Variants in FSTL4 observed in about 807,000 individuals in gnomAD.
FSTL4 encodes follistatin like 4, also known as follistatin-related protein 4.
A neutral mutation model predicts 78.2 loss-of-function variants in FSTL4; 28 were observed. The observed-to-expected ratio is 0.36, with a 90% CI of 0.27 to 0.49. The LOEUF (loss-of-function observed/expected upper bound fraction) is 0.49, where lower values mean the gene tolerates loss of function less well. FSTL4 is among the 20% of genes least tolerant of loss of function. The probability of loss-of-function intolerance (pLI) is 0.98; values close to 1 mark genes in which losing one functional copy is unlikely to be tolerated. For missense variants in FSTL4, 922 were observed against 1,084.9 expected (o/e 0.85, Z 2.11); for synonymous variants, 422 against 440.5 (o/e 0.96, Z 0.53).
At chr5:133,228,822 T>TG (rs1751407489) in intron 8 of FSTL4, among the ~76,000 whole-genome samples, 1 of 152,092 alleles carries the variant, frequency 6.6e-6, no homozygotes, top group African/African-American at 2.4e-5. Flanking sequence ...AACATTAATT[T>TG]GGGAAAAAAG....
the FSTL4 span, among the ~76,000 whole-genome samples, chr5:133,708,146 C>T: frequency 7.7e-5 from 9 of 116,156 alleles, no homozygotes; most frequent in East Asian, 7.6e-4. Context: ...GGGCAAGGAA[C>T]GAAGGAAGGA....
intron 6 of FSTL4, among the ~76,000 whole-genome samples, chr5:133,263,364 A>C (rs1278025192): frequency 6.6e-6 from 1 of 151,980 alleles, no homozygotes; most frequent in African/African-American, 2.4e-5. Flanking sequence ...GAGAGTGTGG[A>C]GTGAGGAAAG....
At chr5:133,613,363 T>C (rs552158844), upstream of FSTL4, among the ~76,000 whole-genome samples, 1 of 152,336 alleles carries the variant, frequency 6.6e-6, no homozygotes, top group Non-Finnish European at 1.5e-5. Flanking sequence ...TCTGAGGGCC[T>C]GCCTCCTGCT....
intron 7 of FSTL4, among the ~76,000 whole-genome samples, chr5:133,237,250 G>C (rs768344338): frequency 6.6e-6 from 1 of 152,120 alleles, no homozygotes; most frequent in Non-Finnish European, 1.5e-5. Flanking sequence ...CACTCCTCAG[G>C]CTGGGGCACG....
chr5:133,812,274 C>T, the FSTL4 span, among the ~76,000 whole-genome samples: 6 of 152,326 alleles, frequency 3.9e-5, no homozygotes, highest in South Asian at 2.1e-4. Context: ...CCTCTGTGGT[C>T]CACCCTCCAC....
Position 133,232,890 on chromosome 5 carries a change from A to G in FSTL4, c.1015+527T>C, listed in dbSNP as rs34589312. Reference sequence around the variant, plus strand: ...AACACAGGGCCTGTGAGAATCAAGGAAAAGCTTCCAAGCCTCAGTTTCTGT... The same window carrying G: ...AACACAGGGCCTGTGAGAATCAAGGGAAAGCTTCCAAGCCTCAGTTTCTGT... On this transcript the variant is annotated intron_variant, in intron 8 of 15. Coordinates refer to ENST00000265342, the MANE Select transcript of FSTL4 (RefSeq NM_015082.2). Among the ~76,000 whole-genome samples the G allele has an allele frequency of 5.9e-3, 901 of 152,328 alleles. 5 individuals carry two copies. Among genetic ancestry groups the G allele is most frequent in the East Asian group, 0.016 (83 of 5,186 alleles).
intron 2 of FSTL4, among the ~76,000 whole-genome samples, chr5:133,599,333 C>T (rs369683): frequency 1.3e-5 from 2 of 151,870 alleles, no homozygotes; most frequent in East Asian, 1.9e-4. Flanking sequence ...GGGAAGGGGC[C>T]GGTCAGTCAG....
rs150807719 is a variant in FSTL4, at chr5:133,605,896, G to C, written c.-10-1903C>G. ...ACCATCAGCACCTGCCCCACACTCT[G>C]AAGAAGGCAGAGTTGAGTGGAATAA... On this transcript the variant is annotated intron_variant, in intron 1 of 15. Transcript: ENST00000265342. Among the ~76,000 whole-genome samples the C allele has an allele frequency of 9.9e-5, 15 of 152,234 alleles. No individual in the cohort carries two copies. The East Asian group carries it at 2.9e-3, about 29-fold the overall frequency.
the FSTL4 span, among the ~76,000 whole-genome samples, chr5:133,617,828 G>A: frequency 3.3e-5 from 5 of 152,328 alleles, 1 homozygote; most frequent in Admixed American, 3.3e-4. Context: ...CTTAGGCAGA[G>A]ATACGATTAG....
At chr5:133,299,038 A>C (rs1197292963) in intron 6 of FSTL4, among the ~76,000 whole-genome samples, 2 of 152,206 alleles carry the variant, frequency 1.3e-5, no homozygotes, top group Admixed American at 6.5e-5. Flanking sequence ...CTGTTTTCAA[A>C]AGGAACAGGT....
chr5:133,383,343 T>C (rs25732), intron 4 of FSTL4, among the ~76,000 whole-genome samples: 142,971 of 152,178 alleles, frequency 0.94, 67,333 homozygotes, highest in Admixed American at 0.97. Context: ...CAGCTGTGCT[T>C]TTTGGCTTTG....
intron 4 of FSTL4, among the ~76,000 whole-genome samples, chr5:133,324,018 C>A (rs1754143341): frequency 6.6e-6 from 1 of 152,186 alleles, no homozygotes; most frequent in Admixed American, 6.5e-5. Context: ...ACAGGCACAT[C>A]CACATTTAAT....
At chr5:133,635,163 A>G in the FSTL4 span, among the ~76,000 whole-genome samples, 1 of 152,158 alleles carries the variant, frequency 6.6e-6, no homozygotes, top group African/African-American at 2.4e-5. Context: ...GCTAGTTTAC[A>G]TATGAAGGCA....
chr5:133,347,135 C>T (rs1031086553), intron 4 of FSTL4, among the ~76,000 whole-genome samples: 8 of 152,242 alleles, frequency 5.3e-5, no homozygotes, highest in South Asian at 2.1e-4. Context: ...TCACGATCCC[C>T]GTTTGTCTGC....
chr5:133,546,891 A>T (rs555789184), intron 3 of FSTL4, among the ~76,000 whole-genome samples: 1 of 152,114 alleles, frequency 6.6e-6, no homozygotes, highest in Non-Finnish European at 1.5e-5. Flanking sequence ...AGTGGCATCA[A>T]TTTTGCAGGC....
the FSTL4 span, among the ~76,000 whole-genome samples, chr5:133,718,671 A>G: frequency 6.6e-6 from 1 of 152,242 alleles, no homozygotes; most frequent in Non-Finnish European, 1.5e-5. Flanking sequence ...ATGTCATAAC[A>G]TCATTTTTAT....
chr5:133,213,685 G>T (rs1187618283), intron 13 of FSTL4, among the ~76,000 whole-genome samples: 2 of 151,898 alleles, frequency 1.3e-5, no homozygotes, highest in Non-Finnish European at 2.9e-5. Flanking sequence ...CCACAAGAAA[G>T]CAAAAAGGAG....
chr5:133,757,921 G>A, the FSTL4 span, among the ~76,000 whole-genome samples: 8 of 152,172 alleles, frequency 5.3e-5, no homozygotes, highest in African/African-American at 1.9e-4. Flanking sequence ...CAATCTCACT[G>A]CTATGGAATG....
At chr5:133,470,642 G>T (rs986637495) in intron 3 of FSTL4, among the ~76,000 whole-genome samples, 3 of 152,062 alleles carry the variant, frequency 2.0e-5, no homozygotes, top group African/African-American at 7.2e-5. Flanking sequence ...CTACTCAGGA[G>T]GCTGAGGCAG....
Sources: gnomAD v4.1 joint callset for allele counts (sites outside exome capture counted in the v4.1 genomes callset) on GRCh38, gnomAD v4.1.1 for gene constraint, MANE v1.5 for transcripts, NCBI Gene and HGNC (gene_info 2026-07-23, HGNC 2026-07-21) for gene names.